Variants in RNF17 observed in about 807,000 individuals in gnomAD.
RNF17 encodes spermatogenesis associated 23.
RNF17 carries 31 observed loss-of-function variants against 200.5 expected under a neutral mutation model. The observed-to-expected ratio is 0.15, with a 90% CI of 0.12 to 0.21. The LOEUF is 0.21. Among genes scored for constraint, RNF17 ranks in the 10% least tolerant of loss-of-function variants. RNF17 has a pLI of 1.00. For missense variants in RNF17, 1,628 were observed against 1,905.1 expected, an observed-to-expected ratio of 0.85 and a Z score of 2.71; for synonymous variants, 606 against 637.8, an observed-to-expected ratio of 0.95 and a Z score of 0.75.
intron 15 of RNF17, among the ~76,000 whole-genome samples, chr13:24,819,783 G>A (rs1252888883): frequency 6.6e-6 from 1 of 152,094 alleles, no homozygotes; most frequent in Non-Finnish European, 1.5e-5. Flanking sequence ...AACCAAAATT[G>A]CAATAATACT....
the RNF17 span, chr13:24,751,645 T>C: frequency 1.3e-5 from 2 of 152,332 alleles, no homozygotes; most frequent in East Asian, 1.9e-4. Flanking sequence ...GTTTACGGCA[T>C]GAATCAACAC....
At chr13:24,884,341 G>A (rs760546327), downstream of RNF17, 2 of 1,614,142 alleles carry the variant, frequency 1.2e-6, no homozygotes, top group Non-Finnish European at 8.5e-7. Flanking sequence ...GGTCTGGCAT[G>A]ACCTGCTTCA....
At chr13:24,779,579 G>A in intron 4 of RNF17, 88 bp from the exon 5 acceptor site, 2 of 968,618 alleles carry the variant, frequency 2.1e-6, no homozygotes, top group Admixed American at 2.1e-5. Flanking sequence ...CAAAACGGTA[G>A]CCTGAATTTT....
chr13:24,763,482 G>T (rs1301339257), upstream of RNF17, among the ~76,000 whole-genome samples: 4 of 151,108 alleles, frequency 2.6e-5, no homozygotes, highest in Non-Finnish European at 5.9e-5. Flanking sequence ...CTCCCAAAGT[G>T]CTGGCATTAC....
rs114496647 is a variant in RNF17 at position 24,862,232 on chromosome 13, A to G, written c.3895-481A>G. ...CCGTCAAGATGTCCACCATAAGTGT[A>G]GTCACCTGAAGGATCAACTGGGGAC... On this transcript the variant is annotated intron_variant, in intron 27 of 35. Coordinates refer to ENST00000255324, the MANE Select transcript of RNF17 (RefSeq NM_031277.3). Among the ~76,000 whole-genome samples the G allele has an allele frequency of 4.6e-3, 696 of 152,322 alleles. 8 individuals carry two copies. Among genetic ancestry groups the G allele is most frequent in the African/African-American group, 0.016 (663 of 41,576 alleles).
At chr13:24,829,495 A>T (rs1889149278) in intron 16 of RNF17, among the ~76,000 whole-genome samples, 1 of 152,204 alleles carries the variant, frequency 6.6e-6, no homozygotes, top group Admixed American at 6.5e-5. Flanking sequence ...TTCCAGTGGA[A>T]GTTGGGAGAG....
chr13:24,867,015 T>C (rs1021952401), intron 30 of RNF17, among the ~76,000 whole-genome samples: 3 of 152,186 alleles, frequency 2.0e-5, no homozygotes, highest in Non-Finnish European at 4.4e-5. Flanking sequence ...GTCCTGGTGA[T>C]TAGTATTGTT....
chr13:24,861,302 T>A lies in RNF17; in HGVS notation c.3809T>A (p.Ile1270Asn), dbSNP rs768169797. 1 of 1,595,558 alleles carries A rather than the reference T, an allele frequency of 6.3e-7. No individual in the cohort carries two copies. The highest frequency in any genetic ancestry group is 1.4e-5 in the African/African-American group (1 of 73,290). Reference protein sequence around the residue: ...QYLDHGFTEKIPQCHLYPILL... With the variant: ...QYLDHGFTEKNPQCHLYPILL... The stretch of plus-strand genomic sequence containing the variant: ...TTAGATCATGGATTCACTGAAAAGA[T>A]TCCGCAGTGCCATCTTTACCCTATT... Residue 1270 changes from isoleucine to asparagine, a missense_variant, in exon 27 of 36, where the codon ATT becomes AAT. This residue lies in a region of RNF17 where 609 missense variants were observed against 681.9 expected (regional missense o/e 0.89). Transcript: ENST00000255324.
At chr13:24,759,830 T>C (rs1159293525), upstream of RNF17, among the ~76,000 whole-genome samples, 2 of 152,168 alleles carry the variant, frequency 1.3e-5, no homozygotes, top group Non-Finnish European at 2.9e-5. Context: ...AGACCCAAGA[T>C]TGGTTTCTAT....
chr13:24,811,347 A>G (rs1405030306), intron 15 of RNF17, among the ~76,000 whole-genome samples: 6 of 151,408 alleles, frequency 4.0e-5, no homozygotes, highest in Non-Finnish European at 1.5e-5. Context: ...ATTTCTTTTT[A>G]TTCTTTTTTC....
chr13:24,787,426 G>C (rs1883256025), intron 6 of RNF17, among the ~76,000 whole-genome samples: 1 of 152,114 alleles, frequency 6.6e-6, no homozygotes, highest in Non-Finnish European at 1.5e-5. Context: ...TTGGGCATTT[G>C]AGAAAATAGC....
rs543827928 is a variant in RNF17 at position 24,811,393 on chromosome 13, C to G, written c.2091+6964C>G. Among the ~76,000 whole-genome samples the G allele has an allele frequency of 9.5e-3, 1,453 of 152,184 alleles. 31 individuals carry two copies. The highest frequency in any genetic ancestry group is 0.032 in the African/African-American group (1,338 of 41,496). ...CCTTCTCGCTTCATTTCATTCATTT[C>G]ATCTTCCATCGCTGATACCCTTTCT... On this transcript the variant is annotated intron_variant, in intron 15 of 35. Coordinates refer to ENST00000255324, the MANE Select transcript of RNF17 (RefSeq NM_031277.3).
chr13:24,759,318 A>T (rs768763856), upstream of RNF17, among the ~76,000 whole-genome samples: 8 of 152,348 alleles, frequency 5.3e-5, no homozygotes, highest in Non-Finnish European at 8.8e-5. Flanking sequence ...TAACCCACAA[A>T]CACAATTTAA....
At chr13:24,789,883 G>A in intron 9 of RNF17, 111 bp downstream of exon 9, 1 of 693,086 alleles carries the variant, frequency 1.4e-6, no homozygotes, top group Non-Finnish European at 2.5e-6. Context: ...AAAATAAAGG[G>A]CAAAATAGTT....
In RNF17 at chr13:24,802,491, G is replaced by A. The variant is rs961337905; in HGVS notation, c.1869G>A (p.Leu623=). ...AAGATGGTGTGCTTATTGTAGATCT[G>A]CAAAAACCACCACCGAATAAAATAA... ...REEDGVLIVD[L]QKPPPNKISS... Residue 623 remains leucine (L), a synonymous_variant, in exon 14 of 36, where the codon CTG becomes CTA. Coordinates refer to ENST00000255324, the MANE Select transcript of RNF17 (RefSeq NM_031277.3). 6.2e-7 allele frequency: 1 copy of A among 1,613,426 alleles called. No individual in the cohort carries two copies. The highest frequency in any genetic ancestry group is 2.2e-5 in the East Asian group (1 of 44,844).
chr13:24,763,067 TGTAA>T (rs1375698268), upstream of RNF17, among the ~76,000 whole-genome samples: 1 of 152,234 alleles, frequency 6.6e-6, no homozygotes, highest in Non-Finnish European at 1.5e-5. Context: ...TGTTTACTCC[TGTAA>T]GTACTACCTA....
At chr13:24,808,219 CTG>C (rs890171219) in intron 15 of RNF17, among the ~76,000 whole-genome samples, 13 of 151,976 alleles carry the variant, frequency 8.6e-5, no homozygotes, top group Admixed American at 7.9e-4. Flanking sequence ...GGCATTGAAT[CTG>C]TAAATTACCT....
intron 28 of RNF17, among the ~76,000 whole-genome samples, chr13:24,863,894 G>A (rs1159967569): frequency 6.6e-6 from 1 of 152,168 alleles, no homozygotes; most frequent in Non-Finnish European, 1.5e-5. Context: ...TCCCTTGTAC[G>A]CAAAGGGAGA....
chr13:24,796,890 CATT>C (rs1326325390), intron 11 of RNF17, among the ~76,000 whole-genome samples: 1 of 152,096 alleles, frequency 6.6e-6, no homozygotes, highest in East Asian at 1.9e-4. Context: ...GTATTTTTCT[CATT>C]ATGTTAGTAG....
Sources: allele counts gnomAD v4.1 joint callset (sites outside exome capture counted in the v4.1 genomes callset), GRCh38; gene constraint gnomAD v4.1.1; regional missense constraint gnomAD v4.1.1; transcripts MANE v1.5; gene names NCBI Gene and HGNC (gene_info 2026-07-23, HGNC 2026-07-21).